The following PTPRD variants were observed in gnomAD, a reference collection of about 807,000 sequenced individuals.
The protein encoded by PTPRD is protein tyrosine phosphatase receptor type D.
A neutral mutation model predicts 214.5 loss-of-function variants in PTPRD; 34 were observed. That is an observed-to-expected ratio of 0.16 (90% confidence interval 0.12 to 0.21). The LOEUF is 0.21. Ranked by LOEUF, PTPRD falls within the 10% of genes least tolerant of loss-of-function variation. The pLI is 1.00. For missense variants in PTPRD, 2,545 were observed against 2,398.7 expected (o/e 1.06, Z -1.27); for synonymous variants, 1,128 against 845.7 (o/e 1.33, Z -5.79).
At chr9:10,098,020 G>T (rs919230576) in intron 3 of PTPRD, among the ~76,000 whole-genome samples, 3 of 151,764 alleles carry the variant, frequency 2.0e-5, no homozygotes, top group African/African-American at 7.3e-5. Flanking sequence ...TATAAATCAT[G>T]CTGCTATAAA....
chr9:9,547,077 C>T (rs1269737929), intron 8 of PTPRD, among the ~76,000 whole-genome samples: 1 of 151,950 alleles, frequency 6.6e-6, no homozygotes, highest in Admixed American at 6.6e-5. Flanking sequence ...GTAACAACAG[C>T]TATCACAAAG....
chr9:8,894,767 G>A (rs1419601278), intron 11 of PTPRD, among the ~76,000 whole-genome samples: 1 of 151,958 alleles, frequency 6.6e-6, no homozygotes, highest in Non-Finnish European at 1.5e-5. Context: ...ATTTACTCTT[G>A]GTTGATGGGC....
intron 11 of PTPRD, among the ~76,000 whole-genome samples, chr9:8,870,006 C>T (rs2098267984): frequency 6.6e-6 from 1 of 151,998 alleles, no homozygotes; most frequent in Non-Finnish European, 1.5e-5. Flanking sequence ...AACCCAGCAA[C>T]CTGCTGGGAC....
chr9:9,899,067 C>T (rs528755436), intron 5 of PTPRD, among the ~76,000 whole-genome samples: 1 of 152,042 alleles, frequency 6.6e-6, no homozygotes, highest in Non-Finnish European at 1.5e-5. Flanking sequence ...GGTCAATACA[C>T]AAAAGTCAAT....
chr9:9,838,444 T>G (rs1024466773), intron 5 of PTPRD, among the ~76,000 whole-genome samples: 1 of 152,164 alleles, frequency 6.6e-6, no homozygotes, highest in African/African-American at 2.4e-5. Context: ...TTTCCTGACT[T>G]TTTAATGATT....
intron 3 of PTPRD, among the ~76,000 whole-genome samples, chr9:10,256,407 T>TTAA (rs1490957327): frequency 6.6e-6 from 1 of 151,190 alleles, no homozygotes; most frequent in Non-Finnish European, 1.5e-5. Context: ...TTTTTTTTTT[T>TTAA]TAATAAGTAG....
chr9:9,624,818 A>T (rs2095366005), intron 7 of PTPRD, among the ~76,000 whole-genome samples: 1 of 133,858 alleles, frequency 7.5e-6, no homozygotes, highest in Non-Finnish European at 1.5e-5. Context: ...AAATAAACTG[A>T]ATAGATGCAT....
At chr9:10,254,493 T>A (rs915274259) in intron 3 of PTPRD, among the ~76,000 whole-genome samples, 1 of 152,148 alleles carries the variant, frequency 6.6e-6, no homozygotes, top group Non-Finnish European at 1.5e-5. Flanking sequence ...TCGGTGTGCA[T>A]GATGTAACAT....
At chr9:8,648,097 T>C (rs1271794829) in intron 12 of PTPRD, among the ~76,000 whole-genome samples, 1 of 152,164 alleles carries the variant, frequency 6.6e-6, no homozygotes, top group African/African-American at 2.4e-5. Flanking sequence ...ACAATACACA[T>C]GCATGAAGAC....
intron 11 of PTPRD, among the ~76,000 whole-genome samples, chr9:9,008,273 G>T (rs1208781347): frequency 6.8e-6 from 1 of 146,242 alleles, no homozygotes; most frequent in Non-Finnish European, 1.5e-5. Context: ...CTGTTGCCCA[G>T]GCTGGAGTCC....
At chr9:8,823,671 G>A (rs1245796730) in intron 11 of PTPRD, among the ~76,000 whole-genome samples, 2 of 114,282 alleles carry the variant, frequency 1.8e-5, no homozygotes, top group Non-Finnish European at 3.6e-5. Context: ...AAGGGAAAGG[G>A]AAAAGGAAAG....
intron 3 of PTPRD, among the ~76,000 whole-genome samples, chr9:10,242,662 A>C (rs982819377): frequency 6.2e-4 from 81 of 130,946 alleles, no homozygotes; most frequent in African/African-American, 2.1e-3. Context: ...GTGCCATGTA[A>C]AATCAATCAG....
At chr9:9,748,174 G>A (rs938336435) in intron 6 of PTPRD, among the ~76,000 whole-genome samples, 2 of 151,970 alleles carry the variant, frequency 1.3e-5, no homozygotes, top group Non-Finnish European at 2.9e-5. Context: ...TTCTGAACTT[G>A]GTGCATATAA....
rs1057176421 is a variant in PTPRD at position 9,498,448 on chromosome 9, A to C, written c.-237+76284T>G. 7.2e-5 allele frequency among the ~76,000 whole-genome samples: 11 copies of C among 152,120 alleles called. No homozygotes were observed. The East Asian group carries it at 2.1e-3, about 29-fold the overall frequency. On this transcript the variant is annotated intron_variant, in intron 8 of 45. Coordinates refer to ENST00000381196, the MANE Select transcript of PTPRD (RefSeq NM_002839.4). ...CCTGGGGTTTCATTTAGATTTGATA[A>C]ATTATCATATCTCAGCTCAGGGAAC...
chr9:10,012,336 T>A (rs1475416723), intron 4 of PTPRD, among the ~76,000 whole-genome samples: 1 of 151,720 alleles, frequency 6.6e-6, no homozygotes, highest in Non-Finnish European at 1.5e-5. Context: ...GAAAAAAAAT[T>A]AGCTAAAAAA....
intron 12 of PTPRD, among the ~76,000 whole-genome samples, chr9:8,642,191 T>C (rs893060570): frequency 4.6e-4 from 70 of 152,314 alleles, no homozygotes; most frequent in African/African-American, 1.5e-3. Context: ...AAGGATCACA[T>C]GCTACAAAAG....
chr9:10,338,369 T>A (rs1316294361), intron 3 of PTPRD, among the ~76,000 whole-genome samples: 2 of 151,694 alleles, frequency 1.3e-5, no homozygotes, highest in South Asian at 2.1e-4. Context: ...CATACCAATA[T>A]AACTTTCAAC....
intron 12 of PTPRD, among the ~76,000 whole-genome samples, chr9:8,656,020 C>A (rs1388949156): frequency 7.2e-5 from 11 of 152,090 alleles, no homozygotes; most frequent in Admixed American, 6.6e-4. Flanking sequence ...TCTAATTTAC[C>A]CGAGATAGCA....
chr9:9,519,541 G>C (rs1352676194), intron 8 of PTPRD, among the ~76,000 whole-genome samples: 1 of 151,832 alleles, frequency 6.6e-6, no homozygotes, highest in Non-Finnish European at 1.5e-5. Flanking sequence ...ACATTAAAAA[G>C]AATACAAAAG....
Sources: gnomAD v4.1 joint callset for allele counts (sites outside exome capture counted in the v4.1 genomes callset) on GRCh38, gnomAD v4.1.1 for gene constraint, MANE v1.5 for transcripts, NCBI Gene and HGNC (gene_info 2026-07-23, HGNC 2026-07-21) for gene names.